TF: variants seen among roughly 807,000 people sequenced by gnomAD.
The protein encoded by TF is serotransferrin.
A neutral mutation model predicts 82.4 loss-of-function variants in TF; 55 were observed. The observed-to-expected ratio is 0.67, with a 90% CI of 0.54 to 0.84. The LOEUF (loss-of-function observed/expected upper bound fraction) is 0.84. Among genes scored for constraint, TF ranks in the 40% least tolerant of loss-of-function variants. The pLI is 0.00. For synonymous variants in TF, 332 were observed against 332.6 expected, an observed-to-expected ratio of 1.00 and a Z score of 0.02; for missense variants, 737 against 868.4, an observed-to-expected ratio of 0.85 and a Z score of 1.90.
In TF at chr3:133,792,016, C is replaced by G. The variant is rs944551944; in HGVS notation, c.*13396C>G. On this transcript the variant is annotated 3_prime_UTR_variant, in exon 17 of 17. Transcript: ENST00000402696. ...ATTATTGGTAAAATAAAAATATCTTCAAAATGTAAATATTTAGTCTAAATT... is the reference window on the plus strand; with the variant it reads ...ATTATTGGTAAAATAAAAATATCTTGAAAATGTAAATATTTAGTCTAAATT... The G allele has an allele frequency of 6.6e-6, 1 of 152,084 alleles. No homozygotes were observed. The highest frequency in any genetic ancestry group is 2.4e-5 in the African/African-American group (1 of 41,412). The allele number at this position is 152,084 out of a possible 1,614,324, so 9.4% of individuals were successfully genotyped here.
the TF span, among the ~76,000 whole-genome samples, chr3:133,695,006 C>T: frequency 1.2e-4 from 19 of 152,174 alleles, no homozygotes; most frequent in African/African-American, 4.6e-4. Flanking sequence ...TGCCAGGGCT[C>T]CTGGCTGCTT....
the TF span, among the ~76,000 whole-genome samples, chr3:133,690,196 A>G: frequency 6.9e-6 from 1 of 144,216 alleles, no homozygotes; most frequent in Non-Finnish European, 1.5e-5. Flanking sequence ...AGCCCTAAGC[A>G]TGCCAAAAAA....
intron 1 of TF, 173 bp from the exon 2 acceptor site, chr3:133,748,239 C>T: frequency 1.2e-6 from 1 of 858,380 alleles, no homozygotes; most frequent in Non-Finnish European, 1.9e-6. Flanking sequence ...GGGCAACCTT[C>T]TATTGGCTCA....
At chr3:133,733,274 T>C in the TF span, among the ~76,000 whole-genome samples, 1 of 152,128 alleles carries the variant, frequency 6.6e-6, no homozygotes, top group African/African-American at 2.4e-5. Context: ...GAGGGGCCTG[T>C]GGAGGAAGGG....
Position 133,789,459 on chromosome 3 carries a change from A to T in TF, c.*10839A>T, listed in dbSNP as rs1934773974. On this transcript the variant is annotated 3_prime_UTR_variant, in exon 17 of 17. Coordinates refer to ENST00000402696, the MANE Select transcript of TF (RefSeq NM_001063.4). ...CCTGAAATAATAGTTCACAGCCTTC[A>T]TTGGATTGCTTATTGGGTACACAAA... The T allele has an allele frequency of 6.6e-6, 1 of 152,190 alleles. No individual in the cohort carries two copies. Among genetic ancestry groups the T allele is most frequent in the Non-Finnish European group, 1.5e-5 (1 of 68,042 alleles). The allele number at this position is 152,190 out of a possible 1,614,324, so 9.4% of individuals were successfully genotyped here. A position where few individuals can be genotyped will look rare whatever the true frequency, so the allele number is the denominator to read the frequency against.
At chr3:133,673,316 TC>T in the TF span, among the ~76,000 whole-genome samples, 44 of 152,250 alleles carry the variant, frequency 2.9e-4, 1 homozygote, top group South Asian at 8.5e-3. Flanking sequence ...AGGAAGCAAT[TC>T]CAACTAATAA....
At chr3:133,759,013 G>A (rs572563809) in intron 8 of TF, among the ~76,000 whole-genome samples, 162 bp from the exon 9 acceptor site, 1 of 152,306 alleles carries the variant, frequency 6.6e-6, no homozygotes, top group South Asian at 2.1e-4. Flanking sequence ...CCAAGAGATT[G>A]TGCATTGACT....
chr3:133,664,199 G>A, the TF span, among the ~76,000 whole-genome samples: 1 of 152,334 alleles, frequency 6.6e-6, no homozygotes, highest in South Asian at 2.1e-4. Context: ...TTGAACAGCA[G>A]TCCTTCAGGA....
chr3:133,679,803 A>G, the TF span, among the ~76,000 whole-genome samples: 2 of 151,978 alleles, frequency 1.3e-5, no homozygotes, highest in African/African-American at 4.8e-5. Context: ...GAGGACATGT[A>G]TTTTCATTTC....
intron 9 of TF, chr3:133,761,108 T>G (rs1235438399): frequency 6.1e-6 from 1 of 165,200 alleles, no homozygotes; most frequent in Admixed American, 6.0e-5. Flanking sequence ...AAGTGACCAG[T>G]GCCCTCGGTT....
rs139536098 is a variant in TF, at chr3:133,755,469, A to G, written c.609A>G (p.Gln203=). Residue 203 remains glutamine (Q), a synonymous_variant, in exon 5 of 17, where the codon CAA becomes CAG. Transcript: ENST00000402696. The stretch of plus-strand genomic sequence containing the variant: ...GGTGTGGCTGCTCCACCCTTAACCA[A>G]TACTTCGGCTACTCGGGAGCCTTCA... ...CPGCGCSTLN[Q]YFGYSGAFKC... 56 of 1,613,982 alleles carry G rather than the reference A, an allele frequency of 3.5e-5. No individual in the cohort carries two copies. The African/African-American group carries it at 5.1e-4, about 15-fold the overall frequency.
At position 133,771,019 on chromosome 3, in the gene TF, T is replaced by C. The variant is rs576830519; in HGVS notation, c.1687+447T>C. ...TTACTGTACTTCTGGGTTGTGTCCA[T>C]TGAGAAGGCCTAGAGGCAATGGCAT... On this transcript the variant is annotated intron_variant, in intron 14 of 16. Coordinates refer to ENST00000402696, the MANE Select transcript of TF (RefSeq NM_001063.4). 6.2e-5 allele frequency: 12 copies of C among 194,006 alleles called. No individual in the cohort carries two copies. The South Asian group carries it at 1.3e-3, about 21-fold the overall frequency. 12.0% of individuals were successfully genotyped at this position (194,006 alleles called of 1,614,324 possible).
At chr3:133,689,739 A>G in the TF span, among the ~76,000 whole-genome samples, 1 of 152,212 alleles carries the variant, frequency 6.6e-6, no homozygotes, top group Non-Finnish European at 1.5e-5. Flanking sequence ...CTGTATATCC[A>G]TTCAACTACC....
chr3:133,754,061 C>G (rs1320228145), intron 3 of TF: 1 of 439,222 alleles, frequency 2.3e-6, no homozygotes, highest in Non-Finnish European at 4.2e-6. Flanking sequence ...AGGGGTCACT[C>G]TGGAGCACAC....
the TF span, among the ~76,000 whole-genome samples, chr3:133,707,333 T>C: frequency 6.6e-6 from 1 of 152,140 alleles, no homozygotes; most frequent in East Asian, 1.9e-4. Flanking sequence ...TGGACCGCAG[T>C]GTGGTAGGCA....
chr3:133,686,025 G>A, the TF span, among the ~76,000 whole-genome samples: 1 of 152,144 alleles, frequency 6.6e-6, no homozygotes, highest in Admixed American at 6.5e-5. Flanking sequence ...AGAGAACAGA[G>A]TCCTCAGAAA....
At chr3:133,674,696 G>A in the TF span, among the ~76,000 whole-genome samples, 12 of 151,720 alleles carry the variant, frequency 7.9e-5, 2 homozygotes, top group Admixed American at 7.2e-4. Flanking sequence ...AGGTGCTCCG[G>A]GGAGGCACTG....
chr3:133,670,746 T>C, the TF span, among the ~76,000 whole-genome samples: 1 of 152,208 alleles, frequency 6.6e-6, no homozygotes, highest in Non-Finnish European at 1.5e-5. Context: ...TGTGTTAGAA[T>C]GTTGGACAAG....
the TF span, among the ~76,000 whole-genome samples, chr3:133,740,659 G>A: frequency 6.6e-6 from 1 of 151,996 alleles, no homozygotes; most frequent in Admixed American, 6.6e-5. Flanking sequence ...ACAAACTTTA[G>A]AATTATGTTG....
Sources: allele counts gnomAD v4.1 joint callset (sites outside exome capture counted in the v4.1 genomes callset), GRCh38; gene constraint gnomAD v4.1.1; transcripts MANE v1.5; gene names NCBI Gene and HGNC (gene_info 2026-07-23, HGNC 2026-07-21).